Variants in ZNRF1 observed in about 807,000 individuals in gnomAD.
The protein encoded by ZNRF1 is E3 ubiquitin-protein ligase ZNRF1.
A neutral mutation model predicts 18.4 loss-of-function variants in ZNRF1; 3 were observed. That is an observed-to-expected ratio of 0.16 (90% CI 0.07 to 0.42). The LOEUF is 0.42. Among genes scored for constraint, ZNRF1 ranks in the 10% least tolerant of loss-of-function variants. The pLI is 0.99. For synonymous variants in ZNRF1, 157 were observed against 144.2 expected (o/e 1.09, Z -0.64); for missense variants, 310 against 329.8 (o/e 0.94, Z 0.47).
At chr16:75,074,181 G>T (rs1042687188) in intron 1 of ZNRF1, among the ~76,000 whole-genome samples, 1 of 152,170 alleles carries the variant, frequency 6.6e-6, no homozygotes, top group Non-Finnish European at 1.5e-5. Context: ...GTCCGTGACC[G>T]TTGCTAGACC....
At chr16:75,055,299 A>G (rs540719371) in intron 1 of ZNRF1, among the ~76,000 whole-genome samples, 1 of 152,320 alleles carries the variant, frequency 6.6e-6, no homozygotes, top group East Asian at 1.9e-4. Context: ...TTTGAGGCGG[A>G]GTCTCGCTGT....
At chr16:75,093,500 G>A (rs1341119045) in intron 1 of ZNRF1, 72 bp from the exon 2 acceptor site, 3 of 1,217,960 alleles carry the variant, frequency 2.5e-6, no homozygotes, top group Admixed American at 1.7e-5. Context: ...GCTGTCATTC[G>A]AGAGTGTCCA....
At chr16:75,018,892 T>C (rs957439014) in intron 1 of ZNRF1, among the ~76,000 whole-genome samples, 3 of 152,128 alleles carry the variant, frequency 2.0e-5, no homozygotes, top group Non-Finnish European at 4.4e-5. Context: ...AAGGCAAGGC[T>C]TGGTGGCTCA....
chr16:75,010,381 C>A (rs1003311906), intron 1 of ZNRF1, among the ~76,000 whole-genome samples: 1 of 152,084 alleles, frequency 6.6e-6, no homozygotes, highest in Non-Finnish European at 1.5e-5. Flanking sequence ...GTAATGTATT[C>A]CCCTCGGGAA....
chr16:75,106,366 C>G, intron 3 of ZNRF1, 116 bp from the exon 4 acceptor site: 1 of 993,932 alleles, frequency 1.0e-6, no homozygotes. Context: ...TCCCTGGGGT[C>G]CTTTCAGAAG....
chr16:75,086,757 C>T (rs1237847424), intron 1 of ZNRF1, among the ~76,000 whole-genome samples: 1 of 152,192 alleles, frequency 6.6e-6, no homozygotes, highest in Non-Finnish European at 1.5e-5. Flanking sequence ...AGGGCAAAGT[C>T]AAGGGGCACG....
chr16:75,088,615 A>G (rs1287907704), intron 1 of ZNRF1, among the ~76,000 whole-genome samples: 1 of 152,186 alleles, frequency 6.6e-6, no homozygotes, highest in Admixed American at 6.5e-5. Flanking sequence ...AGTCAGTAGC[A>G]CAGCACACGA....
Position 75,108,260 on chromosome 16 carries a change from CT to C in ZNRF1, c.*564del. 1 of 251,782 alleles carries C rather than the reference CT, an allele frequency of 4.0e-6. No homozygotes were observed. Among genetic ancestry groups the C allele is most frequent in the Non-Finnish European group, 7.5e-6 (1 of 133,446 alleles). The allele number at this position is 251,782 out of a possible 1,614,324, so 15.6% of individuals were successfully genotyped here. On this transcript the variant is annotated 3_prime_UTR_variant, in exon 5 of 5. Transcript: ENST00000335325. ...CTATTTTTCTGGCTGGTTTTTTGCT[CT>C]TTTCTCCCCTTGAGACCCTAATATC...
chr16:75,032,172 C>T (rs559542407), intron 1 of ZNRF1, among the ~76,000 whole-genome samples: 7 of 137,590 alleles, frequency 5.1e-5, no homozygotes, highest in Non-Finnish European at 9.1e-5. Flanking sequence ...TGCAGTGGTA[C>T]GGTCTCAGCT....
At chr16:75,058,184 G>A (rs1204226186) in intron 1 of ZNRF1, among the ~76,000 whole-genome samples, 1 of 150,422 alleles carries the variant, frequency 6.6e-6, no homozygotes, top group Non-Finnish European at 1.5e-5. Context: ...TGTTGTCCAG[G>A]CTGATCTCGA....
chr16:75,068,751 C>A (rs755380008), intron 1 of ZNRF1, among the ~76,000 whole-genome samples: 1 of 152,090 alleles, frequency 6.6e-6, no homozygotes. Flanking sequence ...CACGCAGGTC[C>A]ACCACCTCTA....
intron 1 of ZNRF1, among the ~76,000 whole-genome samples, chr16:75,082,058 G>C (rs963484392): frequency 2.0e-5 from 3 of 151,916 alleles, no homozygotes; most frequent in African/African-American, 7.3e-5. Flanking sequence ...GCTTTTTTTT[G>C]GTAGAGATGG....
intron 1 of ZNRF1, among the ~76,000 whole-genome samples, chr16:75,051,531 T>TGGG (rs1222222271): frequency 0.012 from 1,875 of 151,068 alleles, 41 homozygotes; most frequent in African/African-American, 0.042. Context: ...TTTTTTTTTT[T>TGGG]GGGGGGGACG....
intron 1 of ZNRF1, among the ~76,000 whole-genome samples, chr16:75,087,591 C>A (rs2145416626): frequency 6.6e-6 from 1 of 152,278 alleles, no homozygotes; most frequent in Non-Finnish European, 1.5e-5. Flanking sequence ...GTGGAGGGAT[C>A]CTGTAGGCGC....
rs1567478944 is a variant in ZNRF1, at chr16:75,050,904, A to AC, written c.425-42668_425-42667insC. The stretch of plus-strand genomic sequence containing the variant: ...AAAAAAAAAACAAAAAAAAACAAAA[A>AC]ACTTGTAGCCAGGTACAGTGGCTCA... On this transcript the variant is annotated intron_variant, in intron 1 of 4. Transcript: ENST00000335325. Among the ~76,000 whole-genome samples the AC allele has an allele frequency of 5.6e-4, 72 of 128,542 alleles. 1 individual carries two copies. Among genetic ancestry groups the AC allele is most frequent in the African/African-American group, 2.1e-3 (70 of 33,468 alleles). The allele number at this position is 128,542 out of a possible 152,430, so 84.3% of individuals were successfully genotyped here. A position where few individuals can be genotyped will look rare whatever the true frequency, so the allele number is the denominator to read the frequency against.
chr16:75,008,279 T>G (rs755693704), intron 1 of ZNRF1, among the ~76,000 whole-genome samples: 1 of 152,206 alleles, frequency 6.6e-6, no homozygotes, highest in Non-Finnish European at 1.5e-5. Flanking sequence ...ATTTGATGGT[T>G]TTCTTTTACA....
chr16:75,017,007 C>G (rs1597859803), intron 1 of ZNRF1, among the ~76,000 whole-genome samples: 1 of 152,242 alleles, frequency 6.6e-6, no homozygotes, highest in East Asian at 1.9e-4. Flanking sequence ...AGCTGGTATT[C>G]TTTTTTAATG....
chr16:75,044,269 G>A (rs1013226387), intron 1 of ZNRF1, among the ~76,000 whole-genome samples: 1 of 152,026 alleles, frequency 6.6e-6, no homozygotes, highest in East Asian at 1.9e-4. Flanking sequence ...TCTCTCTGTT[G>A]CCCAGGCTAG....
intron 1 of ZNRF1, among the ~76,000 whole-genome samples, chr16:75,006,351 TA>T (rs2034916781): frequency 6.6e-6 from 1 of 152,248 alleles, no homozygotes; most frequent in South Asian, 2.1e-4. Flanking sequence ...GGGGTGTTTT[TA>T]ATGACAGTGG....
Sources: allele counts gnomAD v4.1 joint callset (sites outside exome capture counted in the v4.1 genomes callset), GRCh38; gene constraint gnomAD v4.1.1; transcripts MANE v1.5; gene names NCBI Gene and HGNC (gene_info 2026-07-23, HGNC 2026-07-21).